IGFL2: variants seen among roughly 807,000 people sequenced by gnomAD.
IGFL2 encodes IGF like family member 2.
A neutral mutation model predicts 13.9 loss-of-function variants in IGFL2; 7 were observed. That is an observed-to-expected ratio of 0.51 (90% CI 0.29 to 0.95). The LOEUF (loss-of-function observed/expected upper bound fraction) is 0.95. IGFL2 is among the 40% of genes least tolerant of loss of function. The pLI, the probability that IGFL2 is intolerant of heterozygous loss-of-function variation, is 0.08. For missense variants in IGFL2, 138 were observed against 147.8 expected (o/e 0.93, Z 0.34); for synonymous variants, 55 against 55.8 (o/e 0.99, Z 0.07).
chr19:46,139,167 C>T (rs1568416502), upstream of IGFL2, among the ~76,000 whole-genome samples: 1 of 151,824 alleles, frequency 6.6e-6, no homozygotes, highest in Non-Finnish European at 1.5e-5. Context: ...TGCAGGGTTT[C>T]CAGCTTCCTC....
chr19:46,109,046 C>G, the IGFL2 span, among the ~76,000 whole-genome samples: 2 of 148,712 alleles, frequency 1.3e-5, no homozygotes, highest in Admixed American at 1.3e-4. Flanking sequence ...GACTGGTCTC[C>G]CGAAGGAGTC....
At chr19:46,109,154 G>A in the IGFL2 span, among the ~76,000 whole-genome samples, 1 of 152,130 alleles carries the variant, frequency 6.6e-6, no homozygotes, top group South Asian at 2.1e-4. Flanking sequence ...TTAATCACCT[G>A]GGTACAGGTG....
At chr19:46,138,860 C>T (rs1194733567), upstream of IGFL2, among the ~76,000 whole-genome samples, 3 of 152,086 alleles carry the variant, frequency 2.0e-5, no homozygotes, top group African/African-American at 7.2e-5. Context: ...TCAAGAAAGG[C>T]CAAAGCCACC....
upstream of IGFL2, among the ~76,000 whole-genome samples, chr19:46,146,226 T>C (rs1235666222): frequency 6.6e-6 from 1 of 152,274 alleles, no homozygotes; most frequent in South Asian, 2.1e-4. Flanking sequence ...CCCCATTGAA[T>C]TGCCTTTACA....
At chr19:46,131,239 G>A in the IGFL2 span, among the ~76,000 whole-genome samples, 6 of 152,040 alleles carry the variant, frequency 3.9e-5, no homozygotes, top group African/African-American at 1.5e-4. Flanking sequence ...ATCTGTTGAT[G>A]GACTCTGTTC....
chr19:46,182,441 A>T, the IGFL2 span, among the ~76,000 whole-genome samples: 2 of 147,838 alleles, frequency 1.4e-5, no homozygotes, highest in Non-Finnish European at 3.0e-5. Flanking sequence ...GTGTTTTTTT[A>T]GTGCATTCTT....
At chr19:46,146,219 C>T (rs925560694), upstream of IGFL2, among the ~76,000 whole-genome samples, 1 of 151,976 alleles carries the variant, frequency 6.6e-6, no homozygotes, top group African/African-American at 2.4e-5. Flanking sequence ...TCTTTTCCCC[C>T]ATTGAATTGC....
intron 1 of IGFL2, chr19:46,159,035 CTAT>C (rs1245906235): frequency 1.3e-5 from 2 of 152,170 alleles, no homozygotes; most frequent in African/African-American, 4.8e-5. Context: ...CTGCCACTTA[CTAT>C]TATTACTATT....
At chr19:46,097,000 G>T in the IGFL2 span, among the ~76,000 whole-genome samples, 17 of 152,180 alleles carry the variant, frequency 1.1e-4, no homozygotes, top group African/African-American at 3.6e-4. Context: ...ATCTCTGCCA[G>T]ATTTTGGTAT....
the IGFL2 span, among the ~76,000 whole-genome samples, chr19:46,110,012 A>G: frequency 2.0e-5 from 3 of 152,350 alleles, no homozygotes; most frequent in Admixed American, 6.5e-5. Context: ...TCTGAGCTGC[A>G]TAACAAAGGT....
At chr19:46,133,341 G>T in the IGFL2 span, among the ~76,000 whole-genome samples, 8 of 152,190 alleles carry the variant, frequency 5.3e-5, no homozygotes, top group Admixed American at 5.2e-4. Flanking sequence ...GAACAAAGGA[G>T]ACAGGGTCAT....
At chr19:46,114,886 C>T in the IGFL2 span, among the ~76,000 whole-genome samples, 2 of 152,284 alleles carry the variant, frequency 1.3e-5, no homozygotes, top group South Asian at 4.1e-4. Context: ...TTCCTGGACT[C>T]CCCACAGGTT....
intron 1 of IGFL2, chr19:46,148,870 A>AGATCT: frequency 6.5e-7 from 1 of 1,529,528 alleles, no homozygotes; most frequent in Non-Finnish European, 8.8e-7. Context: ...AGTGGAGACT[A>AGATCT]GATCTGCAAT....
chr19:46,102,386 G>T, the IGFL2 span, among the ~76,000 whole-genome samples: 1 of 152,206 alleles, frequency 6.6e-6, no homozygotes, highest in Non-Finnish European at 1.5e-5. Context: ...CGGGCAGCGG[G>T]TGGATCTTAC....
At chr19:46,092,101 A>C in the IGFL2 span, among the ~76,000 whole-genome samples, 1 of 152,162 alleles carries the variant, frequency 6.6e-6, no homozygotes, top group Non-Finnish European at 1.5e-5. Flanking sequence ...ATTCACTGTC[A>C]AGGCTCTTTC....
chr19:46,124,738 TG>T, the IGFL2 span: 2 of 1,150,276 alleles, frequency 1.7e-6, no homozygotes, highest in Non-Finnish European at 2.6e-6. Context: ...TCTGTTAACC[TG>T]GTAAGTTTAC....
chr19:46,192,434 T>TC, the IGFL2 span, among the ~76,000 whole-genome samples: 2 of 152,042 alleles, frequency 1.3e-5, no homozygotes, highest in African/African-American at 2.4e-5. Context: ...TTTTTTTTTT[T>TC]TTTGAAATGG....
chr19:46,211,904 C>A, the IGFL2 span, among the ~76,000 whole-genome samples: 1 of 152,044 alleles, frequency 6.6e-6, no homozygotes, highest in Non-Finnish European at 1.5e-5. Context: ...TCAGCAGCTT[C>A]CCTACTTCTA....
chr19:46,160,554 G>C, intron 2 of IGFL2, 60 bp from the exon 3 acceptor site: 2 of 1,612,846 alleles, frequency 1.2e-6, no homozygotes, highest in Non-Finnish European at 1.7e-6. Context: ...CTCCTGATTG[G>C]GGGATGTAGT....
Sources: allele counts gnomAD v4.1 joint callset (sites outside exome capture counted in the v4.1 genomes callset), GRCh38; gene constraint gnomAD v4.1.1; transcripts MANE v1.5; gene names NCBI Gene and HGNC (gene_info 2026-07-23, HGNC 2026-07-21).